FYCO1: variants seen among roughly 807,000 people sequenced by gnomAD.
The protein encoded by FYCO1 is FYVE and coiled-coil domain-containing protein 1.
A neutral mutation model predicts 165.1 loss-of-function variants in FYCO1; 122 were observed. The ratio of observed to expected loss-of-function variants is 0.74; its 90% CI spans 0.64 to 0.86. FYCO1 has a LOEUF of 0.86. Among genes scored for constraint, FYCO1 ranks in the 40% least tolerant of loss-of-function variants. The pLI, the probability that FYCO1 is intolerant of heterozygous loss-of-function variation, is 0.00. For synonymous variants in FYCO1, 648 were observed against 742.5 expected (o/e 0.87, Z 2.07); for missense variants, 1,702 against 1,810.3 (o/e 0.94, Z 1.09).
intron 14 of FYCO1, chr3:45,946,685 G>A: frequency 6.2e-7 from 1 of 1,614,246 alleles, no homozygotes; most frequent in Non-Finnish European, 8.5e-7. Context: ...TGACGGATGT[G>A]TTCCTGGTGA....
intron 11 of FYCO1, among the ~76,000 whole-genome samples, chr3:45,960,341 A>T (rs1705624193): frequency 6.6e-6 from 1 of 152,214 alleles, no homozygotes; most frequent in South Asian, 2.1e-4. Flanking sequence ...AGGTCCTGAG[A>T]GAGACAGGCT....
Position 45,966,282 on chromosome 3 carries a change from G to C in FYCO1, c.3052C>G (p.Leu1018Val). 1 of 1,613,898 alleles carries C rather than the reference G, an allele frequency of 6.2e-7. No homozygotes were observed. The highest frequency in any genetic ancestry group is 8.5e-7 in the Non-Finnish European group (1 of 1,180,016). ...SAEIMDYQSR[L>V]KNAGEECKSL... ...GTGGTTGAAGCTAGGATTACCTTAA[G>C]TCTGCTCTGGTAGTCCATGATTTCA... The change falls in exon 8 of 18, where the codon CTT becomes GTT. Residue 1018 changes from leucine (L) to valine (V), a missense_variant. By Grantham distance (32) the Leu-to-Val change is conservative. Transcript: ENST00000296137.
chr3:45,947,615 A>T lies in FYCO1; in HGVS notation c.3944+7634T>A, dbSNP rs897056904. ...GTTTATAGCTTGCGCATTCTCATGG[A>T]GAAGTTATCAGACACTCTGGCTGGT... is the stretch of plus-strand genomic sequence containing the variant. On this transcript the variant is annotated intron_variant, in intron 14 of 17. Coordinates refer to ENST00000296137, the MANE Select transcript of FYCO1 (RefSeq NM_024513.4). The T allele has an allele frequency of 9.6e-6, 8 of 829,912 alleles. No individual in the cohort carries two copies. The African/African-American group carries it at 1.4e-4, about 14-fold the overall frequency. 51.4% of individuals were successfully genotyped at this position (829,912 alleles called of 1,614,324 possible). A position where few individuals can be genotyped will look rare whatever the true frequency, so the allele number is the denominator to read the frequency against.
chr3:45,947,610 CAT>C, intron 14 of FYCO1: 1 of 896,652 alleles, frequency 1.1e-6, no homozygotes, highest in Non-Finnish European at 1.8e-6. Context: ...TGCGCATTCT[CAT>C]GGAGAAGTTA....
chr3:45,958,741 G>T, intron 12 of FYCO1, 122 bp from the exon 13 acceptor site: 1 of 893,322 alleles, frequency 1.1e-6, no homozygotes. Context: ...CTGCCCCCAA[G>T]TTAGGATGTG....
intron 4 of FYCO1, among the ~76,000 whole-genome samples, chr3:45,977,567 C>T (rs1285842419): frequency 1.3e-5 from 2 of 151,446 alleles, no homozygotes; most frequent in Non-Finnish European, 2.9e-5. Flanking sequence ...AATCAGAACC[C>T]ACATACACTA....
In FYCO1 at chr3:45,967,011, G is replaced by A; in HGVS notation, c.2323C>T (p.Gln775Ter). ...CCCTGATGGACTTCCAGCTGCGCCTGAGACAGGGCTAGCTGGGCAGCCAGC... is the reference window on the plus strand; with the variant it reads ...CCCTGATGGACTTCCAGCTGCGCCTAAGACAGGGCTAGCTGGGCAGCCAGC... Reference protein sequence around the residue: ...RELAAQLALSQAQLEVHQGEV... With the variant: ...RELAAQLALS Residue 775 changes from glutamine to a stop codon, truncating the protein, a stop_gained, in exon 8 of 18, where the codon CAG becomes TAG. Coordinates refer to ENST00000296137, the MANE Select transcript of FYCO1 (RefSeq NM_024513.4). LOFTEE classifies it high-confidence loss of function. 1.9e-6 allele frequency: 3 copies of A among 1,613,220 alleles called. No individual in the cohort carries two copies. Among genetic ancestry groups the A allele is most frequent in the Admixed American group, 1.7e-5 (1 of 60,032 alleles).
chr3:45,980,616 T>C (rs1317723492), intron 3 of FYCO1, among the ~76,000 whole-genome samples: 1 of 152,242 alleles, frequency 6.6e-6, no homozygotes, highest in African/African-American at 2.4e-5. Context: ...TGAAATGTCA[T>C]GAGAGAGGCA....
intron 17 of FYCO1, among the ~76,000 whole-genome samples, 181 bp downstream of exon 17, chr3:45,923,475 A>C (rs951159959): frequency 2.0e-5 from 3 of 152,198 alleles, no homozygotes; most frequent in African/African-American, 4.8e-5. Flanking sequence ...TGCAAGCATG[A>C]GCCTGTGTGT....
chr3:45,974,895 G>T (rs1706655505), intron 5 of FYCO1, among the ~76,000 whole-genome samples: 2 of 152,194 alleles, frequency 1.3e-5, no homozygotes, highest in Non-Finnish European at 2.9e-5. Flanking sequence ...TCTGCTGAGA[G>T]GCCAAGGCTG....
At position 45,966,787 on chromosome 3, in the gene FYCO1, C is replaced by T. The variant is rs775560825; in HGVS notation, c.2547G>A (p.Ser849=). The T allele has an allele frequency of 1.1e-5, 18 of 1,609,758 alleles. No homozygotes were observed. Among genetic ancestry groups the T allele is most frequent in the Middle Eastern group, 1.6e-4 (1 of 6,084 alleles). ...CCTCCTGCAGTGCCCCTTCACGCTCCGAGCATTGCAGCAGCTCCTGGACAT... is the reference window on the plus strand; with the variant it reads ...CCTCCTGCAGTGCCCCTTCACGCTCTGAGCATTGCAGCAGCTCCTGGACAT... ...RAHVQELLQC[S]EREGALQEER... The change falls in exon 8 of 18, where the codon TCG becomes TCA. Residue 849 remains serine (S), a synonymous_variant. Coordinates refer to ENST00000296137, the MANE Select transcript of FYCO1 (RefSeq NM_024513.4).
chr3:45,947,498 G>A, intron 14 of FYCO1: 1 of 1,613,542 alleles, frequency 6.2e-7, no homozygotes, highest in Admixed American at 1.7e-5. Flanking sequence ...CCACCAGCAT[G>A]TTCCAGTTAT....
In FYCO1 at chr3:45,918,238, C is replaced by T. The variant is rs756372595; in HGVS notation, c.*3527G>A. 13 of 152,660 alleles carry T rather than the reference C, an allele frequency of 8.5e-5. No homozygotes were observed. In the East Asian group the frequency reaches 2.5e-3, roughly 29 times the overall value. The allele number at this position is 152,660 out of a possible 1,614,324, so 9.5% of individuals were successfully genotyped here. On this transcript the variant is annotated 3_prime_UTR_variant, in exon 18 of 18. Transcript: ENST00000296137. ...TCTCTGCATAACATACATCAAGCAG[C>T]CTTTTTCTTTTTTTAAATCAGAGAT...
At chr3:45,958,202 C>A (rs1208498153) in intron 13 of FYCO1, among the ~76,000 whole-genome samples, 2 of 152,222 alleles carry the variant, frequency 1.3e-5, no homozygotes, top group South Asian at 4.1e-4. Flanking sequence ...CTTATCAGGG[C>A]AAAGTTATTC....
chr3:45,944,329 A>G (rs1322305252), intron 14 of FYCO1, among the ~76,000 whole-genome samples: 3 of 152,160 alleles, frequency 2.0e-5, no homozygotes, highest in Non-Finnish European at 4.4e-5. Flanking sequence ...TTTGACATCT[A>G]TTTGTTGTAA....
intron 14 of FYCO1, among the ~76,000 whole-genome samples, chr3:45,950,991 C>T (rs1334697883): frequency 6.6e-6 from 1 of 152,204 alleles, no homozygotes; most frequent in Non-Finnish European, 1.5e-5. Context: ...AACACTCTGA[C>T]CATGAAGCAC....
At chr3:45,955,114 A>G (rs1164447557) in intron 14 of FYCO1, 135 bp downstream of exon 14, 6 of 1,064,364 alleles carry the variant, frequency 5.6e-6, no homozygotes, top group Non-Finnish European at 8.6e-6. Flanking sequence ...CTTCAAGGCC[A>G]TCGCAAGCAC....
chr3:45,951,372 GC>G (rs1705012567), intron 14 of FYCO1, among the ~76,000 whole-genome samples: 1 of 152,194 alleles, frequency 6.6e-6, no homozygotes, highest in African/African-American at 2.4e-5. Context: ...GAGCCATGGA[GC>G]CTGGAGGTGG....
At chr3:45,951,458 G>A (rs1705020736) in intron 14 of FYCO1, among the ~76,000 whole-genome samples, 1 of 152,202 alleles carries the variant, frequency 6.6e-6, no homozygotes, top group African/African-American at 2.4e-5. Context: ...AGCTAGAGGG[G>A]GAGGCCGGGC....
Sources: gnomAD v4.1 joint callset for allele counts (sites outside exome capture counted in the v4.1 genomes callset) on GRCh38, gnomAD v4.1.1 for gene constraint, MANE v1.5 for transcripts, NCBI Gene and HGNC (gene_info 2026-07-23, HGNC 2026-07-21) for gene names.